The following MEGF10 variants were observed in gnomAD, a reference collection of about 807,000 sequenced individuals.
MEGF10 encodes the protein multiple EGF like domains 10, also known as multiple epidermal growth factor-like domains protein 10.
A neutral mutation model predicts 147.5 loss-of-function variants in MEGF10; 86 were observed. The ratio of observed to expected loss-of-function variants is 0.58; its 90% CI spans 0.49 to 0.70. The LOEUF is 0.70. Ranked by LOEUF, MEGF10 falls within the 30% of genes least tolerant of loss-of-function variation. MEGF10 has a pLI of 0.00. For synonymous variants in MEGF10, 478 were observed against 525.5 expected (o/e 0.91, Z 1.24); for missense variants, 1,329 against 1,487.3 (o/e 0.89, Z 1.75).
At chr5:127,267,135 A>T in the MEGF10 span, among the ~76,000 whole-genome samples, 29 of 152,178 alleles carry the variant, frequency 1.9e-4, no homozygotes, top group Admixed American at 1.6e-3. Flanking sequence ...ACATGAAGGG[A>T]TGTTGAATTT....
At chr5:127,371,377 G>A (rs929824006) in intron 5 of MEGF10, among the ~76,000 whole-genome samples, 1 of 152,130 alleles carries the variant, frequency 6.6e-6, no homozygotes, top group African/African-American at 2.4e-5. Context: ...TGTTTGGGAT[G>A]TGGGATTTGG....
At chr5:127,376,888 T>G (rs1405914162) in intron 5 of MEGF10, among the ~76,000 whole-genome samples, 1 of 152,222 alleles carries the variant, frequency 6.6e-6, no homozygotes, top group Non-Finnish European at 1.5e-5. Flanking sequence ...CCAGTAACTT[T>G]AATCACCGTG....
chr5:127,401,250 A>G (rs1234869579), intron 7 of MEGF10, among the ~76,000 whole-genome samples: 1 of 152,116 alleles, frequency 6.6e-6, no homozygotes, highest in South Asian at 2.1e-4. Context: ...TTTTACATCC[A>G]TTCCCCTCCC....
chr5:127,436,013 A>T (rs560400606), intron 16 of MEGF10, among the ~76,000 whole-genome samples: 1 of 152,304 alleles, frequency 6.6e-6, no homozygotes, highest in Admixed American at 6.5e-5. Flanking sequence ...TGACTCTTAG[A>T]GCACCCATGT....
At chr5:127,318,868 A>G (rs906767691) in intron 1 of MEGF10, among the ~76,000 whole-genome samples, 14 of 152,232 alleles carry the variant, frequency 9.2e-5, no homozygotes, top group Non-Finnish European at 1.9e-4. Context: ...TTTACGGTAC[A>G]TAAGCAATGC....
At chr5:127,245,043 T>A in the MEGF10 span, among the ~76,000 whole-genome samples, 3 of 152,158 alleles carry the variant, frequency 2.0e-5, no homozygotes, top group Non-Finnish European at 4.4e-5. Flanking sequence ...AAGTAATGTA[T>A]AGATTCAATG....
chr5:127,363,936 G>A (rs1762565232), intron 4 of MEGF10, among the ~76,000 whole-genome samples: 1 of 152,116 alleles, frequency 6.6e-6, no homozygotes, highest in South Asian at 2.1e-4. Context: ...GAACTTCAGG[G>A]ATGGGATGCA....
chr5:127,306,706 T>A (rs1040526877), intron 1 of MEGF10, among the ~76,000 whole-genome samples: 3 of 152,182 alleles, frequency 2.0e-5, no homozygotes, highest in Non-Finnish European at 2.9e-5. Flanking sequence ...CTCAGATTCC[T>A]TGTTGAAGGC....
At chr5:127,356,411 GA>G (rs986102683) in intron 4 of MEGF10, among the ~76,000 whole-genome samples, 46 of 152,180 alleles carry the variant, frequency 3.0e-4, no homozygotes, top group African/African-American at 5.5e-4. Flanking sequence ...AAAAAGGCTG[GA>G]AAAAAATCAG....
chr5:127,358,708 A>C (rs1399584399), intron 4 of MEGF10, among the ~76,000 whole-genome samples: 1 of 152,184 alleles, frequency 6.6e-6, no homozygotes, highest in Non-Finnish European at 1.5e-5. Context: ...GACGATTTTG[A>C]AATCCTTCTC....
At chr5:127,360,314 A>C (rs1762424295) in intron 4 of MEGF10, among the ~76,000 whole-genome samples, 1 of 151,950 alleles carries the variant, frequency 6.6e-6, no homozygotes, top group African/African-American at 2.4e-5. Context: ...AATATAATTG[A>C]GGTTTTGCGT....
the MEGF10 span, among the ~76,000 whole-genome samples, chr5:127,245,522 C>T: frequency 6.6e-6 from 1 of 152,106 alleles, no homozygotes; most frequent in African/African-American, 2.4e-5. Context: ...AAAACCTAGG[C>T]AATACCATTC....
At chr5:127,314,753 C>G (rs922521386) in intron 1 of MEGF10, among the ~76,000 whole-genome samples, 1 of 152,110 alleles carries the variant, frequency 6.6e-6, no homozygotes, top group Non-Finnish European at 1.5e-5. Flanking sequence ...CTATTTCTAC[C>G]CTTCATAGAT....
At chr5:127,398,406 C>A (rs1764003423) in intron 6 of MEGF10, among the ~76,000 whole-genome samples, 2 of 152,092 alleles carry the variant, frequency 1.3e-5, no homozygotes, top group South Asian at 2.1e-4. Context: ...AGTGTTTGGC[C>A]AGTTTTCTTC....
At chr5:127,312,261 T>A (rs1760322368) in intron 1 of MEGF10, among the ~76,000 whole-genome samples, 1 of 152,184 alleles carries the variant, frequency 6.6e-6, no homozygotes, top group African/African-American at 2.4e-5. Context: ...GCTGGCACAG[T>A]GGCTTGTGGG....
intron 9 of MEGF10, among the ~76,000 whole-genome samples, chr5:127,414,783 A>G (rs1311614216): frequency 6.6e-6 from 1 of 152,190 alleles, no homozygotes; most frequent in South Asian, 2.1e-4. Flanking sequence ...AAACAGATTT[A>G]ATTCTGGCCC....
chr5:127,377,547 C>G (rs1330374776), intron 5 of MEGF10, among the ~76,000 whole-genome samples: 1 of 152,180 alleles, frequency 6.6e-6, no homozygotes, highest in Non-Finnish European at 1.5e-5. Context: ...AAGACTAGCT[C>G]AAACATTTTC....
Position 127,447,590 on chromosome 5 carries a change from A to T in MEGF10, c.2762A>T (p.Asn921Ile), listed in dbSNP as rs79861077. The T allele has an allele frequency of 6.2e-7, 1 of 1,614,138 alleles. No homozygotes were observed. Among genetic ancestry groups the T allele is most frequent in the Admixed American group, 1.7e-5 (1 of 60,012 alleles). The part of the protein sequence containing the change: ...TLPHSNGGNA[N>I]SHYFTNPSYH... ...CCTCACAGCAATGGTGGAAACGCTA[A>T]TAGCCACTACTTCACCAATCCCAGT... is the stretch of plus-strand genomic sequence containing the variant. The change falls in exon 21 of 25, where the codon AAT (asparagine) becomes ATT (isoleucine). Residue 921 changes from asparagine (N) to isoleucine (I), a missense_variant. Physicochemically the swap from Asn to Ile is moderately radical, Grantham distance 149. This residue lies in a region of MEGF10 where 343 missense variants were observed against 377.9 expected (regional missense o/e 0.91). Transcript: ENST00000503335.
the MEGF10 span, among the ~76,000 whole-genome samples, chr5:127,285,129 C>T: frequency 0.017 from 2,585 of 151,880 alleles, 63 homozygotes; most frequent in East Asian, 0.09. Flanking sequence ...GGAAAGTCTC[C>T]GTTAGAATAT....
Sources: gnomAD v4.1 joint callset for allele counts (sites outside exome capture counted in the v4.1 genomes callset) on GRCh38, gnomAD v4.1.1 for gene constraint, gnomAD v4.1.1 regional missense constraint, MANE v1.5 for transcripts, NCBI Gene and HGNC (gene_info 2026-07-23, HGNC 2026-07-21) for gene names.